PCDH7: variants seen among roughly 807,000 people sequenced by gnomAD.
PCDH7 encodes the protein protocadherin 7.
In PCDH7, 17 loss-of-function variants were observed where a neutral mutation model predicts 58.9. The ratio of observed to expected loss-of-function variants is 0.29; its 90% CI spans 0.20 to 0.43. The LOEUF (loss-of-function observed/expected upper bound fraction) is 0.43. PCDH7 is among the 20% of genes least tolerant of loss of function. PCDH7 has a pLI of 1.00. For missense variants in PCDH7, 1,274 were observed against 1,441.0 expected, an observed-to-expected ratio of 0.88 and a Z score of 1.88; for synonymous variants, 664 against 616.4, an observed-to-expected ratio of 1.08 and a Z score of -1.14.
At chr4:30,740,213 C>A (rs987928781) in intron 1 of PCDH7, among the ~76,000 whole-genome samples, 3 of 152,190 alleles carry the variant, frequency 2.0e-5, no homozygotes, top group Admixed American at 1.3e-4. Context: ...ATCTATTTTA[C>A]AGCCAACTAG....
intron 3 of PCDH7, among the ~76,000 whole-genome samples, chr4:31,020,930 T>A (rs952925182): frequency 1.3e-5 from 2 of 152,166 alleles, no homozygotes; most frequent in Non-Finnish European, 2.9e-5. Context: ...TTTCTCCTCC[T>A]CCGTTTTCTT....
chr4:31,056,431 A>G (rs899740727), intron 3 of PCDH7, among the ~76,000 whole-genome samples: 4 of 98,990 alleles, frequency 4.0e-5, no homozygotes, highest in African/African-American at 6.1e-5. Flanking sequence ...AAGGAAAGAA[A>G]AAGAAAGAAG....
At chr4:30,920,243 G>A (rs1031135562) in exon 2 of PCDH7, 1 of 1,367,716 alleles carries the variant, frequency 7.3e-7, no homozygotes, top group Non-Finnish European at 9.8e-7. Flanking sequence ...CGGGCTGGAG[G>A]AGTCAGAAAC....
chr4:30,912,872 A>G (rs914832218), intron 1 of PCDH7, among the ~76,000 whole-genome samples: 13 of 152,282 alleles, frequency 8.5e-5, no homozygotes, highest in African/African-American at 2.4e-4. Flanking sequence ...TACAGGTTGT[A>G]ACTTAGAAAA....
chr4:30,730,337 C>T lies in PCDH7; in HGVS notation c.3175-416C>T, dbSNP rs566321523. Among the ~76,000 whole-genome samples, 14 of 152,076 alleles carry T rather than the reference C, an allele frequency of 9.2e-5. No individual in the cohort carries two copies. In the South Asian group the frequency reaches 2.9e-3, roughly 32 times the overall value. ...CATAGAATCTTTTCTAAAGCAGTGA[C>T]TCTTTTGCGGTACATTACACTGTGC... On this transcript the variant is annotated intron_variant, in intron 1 of 1. Coordinates refer to ENST00000361762, the Ensembl canonical transcript of PCDH7.
At chr4:31,025,909 C>T (rs1259959203) in intron 3 of PCDH7, among the ~76,000 whole-genome samples, 2 of 152,286 alleles carry the variant, frequency 1.3e-5, no homozygotes, top group African/African-American at 2.4e-5. Context: ...GTTTCCAGGA[C>T]ATACAGACTA....
intron 3 of PCDH7, among the ~76,000 whole-genome samples, chr4:30,951,289 T>C (rs1424959231): frequency 6.6e-6 from 1 of 152,150 alleles, no homozygotes; most frequent in African/African-American, 2.4e-5. Flanking sequence ...CATATTCCAT[T>C]TTTCTACTGT....
At chr4:31,075,062 C>T (rs1459292182) in intron 3 of PCDH7, among the ~76,000 whole-genome samples, 1 of 152,088 alleles carries the variant, frequency 6.6e-6, no homozygotes, top group Non-Finnish European at 1.5e-5. Context: ...GTCTGGACCT[C>T]ACCCTTTTTT....
intron 3 of PCDH7, among the ~76,000 whole-genome samples, chr4:31,112,779 T>A (rs1380970475): frequency 6.6e-6 from 1 of 152,214 alleles, no homozygotes; most frequent in African/African-American, 2.4e-5. Flanking sequence ...TGACCTATAG[T>A]CATTACTGAT....
At chr4:30,840,695 T>A (rs773837465) in intron 1 of PCDH7, among the ~76,000 whole-genome samples, 4 of 151,876 alleles carry the variant, frequency 2.6e-5, no homozygotes, top group Admixed American at 6.6e-5. Flanking sequence ...CAGAACAAAA[T>A]TTTTTTTGCA....
chr4:31,003,741 A>G (rs185218753), intron 3 of PCDH7, among the ~76,000 whole-genome samples: 128 of 152,108 alleles, frequency 8.4e-4, no homozygotes, highest in African/African-American at 2.9e-3. Context: ...CCACATCTCT[A>G]CTAAAAATAC....
intron 3 of PCDH7, among the ~76,000 whole-genome samples, chr4:31,100,134 G>T (rs1337236612): frequency 6.6e-6 from 1 of 152,160 alleles, no homozygotes; most frequent in Non-Finnish European, 1.5e-5. Context: ...TAAAGAAAGT[G>T]ATAGCTCCAA....
intron 1 of PCDH7, among the ~76,000 whole-genome samples, chr4:30,891,771 T>C (rs546467206): frequency 2.3e-3 from 176 of 77,060 alleles, no homozygotes; most frequent in African/African-American, 0.018. Flanking sequence ...GGTTGTTTTT[T>C]TGTTTTTTTT....
At chr4:31,066,327 T>C (rs374703470) in intron 3 of PCDH7, among the ~76,000 whole-genome samples, 2 of 151,958 alleles carry the variant, frequency 1.3e-5, no homozygotes, top group Non-Finnish European at 2.9e-5. Flanking sequence ...AGGAGTCTTA[T>C]AATGTAATAA....
At chr4:30,758,625 G>A (rs78451562) in intron 1 of PCDH7, among the ~76,000 whole-genome samples, 18,946 of 152,076 alleles carry the variant, frequency 0.12, 1,599 homozygotes, top group East Asian at 0.29. Flanking sequence ...CATGACAGTT[G>A]TGTGAGCACT....
At chr4:30,767,566 C>T (rs1013404061) in intron 1 of PCDH7, among the ~76,000 whole-genome samples, 3 of 152,144 alleles carry the variant, frequency 2.0e-5, no homozygotes, top group African/African-American at 7.2e-5. Context: ...GAGATGGTAA[C>T]AAGAACTGTG....
At chr4:30,823,535 C>T (rs1366307807) in intron 1 of PCDH7, among the ~76,000 whole-genome samples, 1 of 152,130 alleles carries the variant, frequency 6.6e-6, no homozygotes, top group Non-Finnish European at 1.5e-5. Context: ...CAGCCAGATA[C>T]TGCTGAGATT....
chr4:30,862,889 C>T (rs562996098), intron 1 of PCDH7, among the ~76,000 whole-genome samples: 14 of 152,054 alleles, frequency 9.2e-5, no homozygotes, highest in African/African-American at 3.1e-4. Flanking sequence ...CGCCCTGAAC[C>T]ACATGATTAT....
chr4:30,800,876 G>A (rs949103396), intron 1 of PCDH7, among the ~76,000 whole-genome samples: 1 of 152,208 alleles, frequency 6.6e-6, no homozygotes, highest in Non-Finnish European at 1.5e-5. Context: ...TTTATGCCTA[G>A]GAGTTTGTAT....
Sources: allele counts gnomAD v4.1 joint callset (sites outside exome capture counted in the v4.1 genomes callset), GRCh38; gene constraint gnomAD v4.1.1; transcripts MANE v1.5; gene names NCBI Gene and HGNC (gene_info 2026-07-23, HGNC 2026-07-21).